Variants in ARFIP1 observed in about 807,000 individuals in gnomAD.
ARFIP1 encodes the protein ARF interacting protein 1.
ARFIP1 carries 24 observed loss-of-function variants against 42.5 expected under a neutral mutation model. The observed-to-expected ratio is 0.57, with a 90% confidence interval of 0.41 to 0.80. The LOEUF (loss-of-function observed/expected upper bound fraction) is 0.80. ARFIP1 is among the 30% of genes least tolerant of loss of function. ARFIP1 has a pLI of 0.00. For missense variants in ARFIP1, 354 were observed against 434.0 expected (o/e 0.82, Z 1.64); for synonymous variants, 141 against 153.7 (o/e 0.92, Z 0.61).
intron 7 of ARFIP1, among the ~76,000 whole-genome samples, chr4:152,886,655 C>T (rs770124497): frequency 1.3e-5 from 2 of 151,874 alleles, no homozygotes; most frequent in Non-Finnish European, 2.9e-5. Context: ...TTATACCTTA[C>T]CCTCATTTAT....
chr4:152,870,627 A>G, intron 3 of ARFIP1, 126 bp from the exon 4 acceptor site: 1 of 660,090 alleles, frequency 1.5e-6, no homozygotes, highest in Non-Finnish European at 2.6e-6. Flanking sequence ...AAACAAATAT[A>G]TTAATTCCAA....
chr4:152,811,373 T>G (rs758753866), intron 1 of ARFIP1, among the ~76,000 whole-genome samples: 7 of 152,188 alleles, frequency 4.6e-5, no homozygotes, highest in Non-Finnish European at 8.8e-5. Flanking sequence ...CTTAGTCTTC[T>G]CATTATAGTG....
intron 7 of ARFIP1, among the ~76,000 whole-genome samples, chr4:152,884,557 C>G (rs1373678747): frequency 6.6e-6 from 1 of 151,902 alleles, no homozygotes; most frequent in African/African-American, 2.4e-5. Context: ...ATACCCCCAC[C>G]ACCTCCTAGT....
intron 2 of ARFIP1, among the ~76,000 whole-genome samples, chr4:152,850,201 C>G (rs927652727): frequency 2.0e-5 from 3 of 152,192 alleles, no homozygotes; most frequent in African/African-American, 7.2e-5. Flanking sequence ...AATATAGCAA[C>G]TTACTACCTA....
At chr4:152,903,396 A>T (rs963016674) in intron 8 of ARFIP1, among the ~76,000 whole-genome samples, 1 of 152,216 alleles carries the variant, frequency 6.6e-6, no homozygotes, top group Admixed American at 6.5e-5. Flanking sequence ...GTTTTGTTAT[A>T]AGCCAAATTG....
chr4:152,861,369 A>G (rs1262803370), intron 2 of ARFIP1, among the ~76,000 whole-genome samples: 1 of 152,244 alleles, frequency 6.6e-6, no homozygotes, highest in African/African-American at 2.4e-5. Flanking sequence ...TCTCAGAAGT[A>G]TAGAGATGAT....
chr4:152,839,409 C>T (rs1484081773), intron 2 of ARFIP1, among the ~76,000 whole-genome samples: 1 of 152,078 alleles, frequency 6.6e-6, no homozygotes, highest in Non-Finnish European at 1.5e-5. Context: ...CTCTCTGGTC[C>T]TGGACTTTTT....
intron 8 of ARFIP1, among the ~76,000 whole-genome samples, chr4:152,902,143 T>G (rs1304443036): frequency 6.6e-6 from 1 of 152,250 alleles, no homozygotes; most frequent in East Asian, 1.9e-4. Flanking sequence ...CTGTCTAAAC[T>G]TAGGCAAATT....
At chr4:152,894,347 C>A (rs1298410594) in intron 8 of ARFIP1, among the ~76,000 whole-genome samples, 2 of 151,972 alleles carry the variant, frequency 1.3e-5, no homozygotes, top group Admixed American at 6.6e-5. Context: ...AAAATATAAA[C>A]CTCAGAATTT....
At chr4:152,857,143 A>T (rs1405655170) in intron 2 of ARFIP1, among the ~76,000 whole-genome samples, 1 of 152,234 alleles carries the variant, frequency 6.6e-6, no homozygotes, top group Non-Finnish European at 1.5e-5. Flanking sequence ...TTAAAACAAT[A>T]TGTAGTTGAA....
Position 152,839,678 on chromosome 4 carries a change from T to G in ARFIP1, c.93+9952T>G, listed in dbSNP as rs367835269. 1.7e-4 allele frequency among the ~76,000 whole-genome samples: 26 copies of G among 152,330 alleles called. 1 individual carries two copies. In the East Asian group the frequency reaches 2.9e-3, roughly 17 times the overall value. On this transcript the variant is annotated intron_variant, in intron 2 of 8. Transcript: ENST00000353617. Reference sequence around the variant, plus strand: ...ATTTGAATTTTCTCTCTTCTTTTCTTGGTTAATCTTGCTAATGGTCTATCA... The same window carrying G: ...ATTTGAATTTTCTCTCTTCTTTTCTGGGTTAATCTTGCTAATGGTCTATCA...
At chr4:152,898,106 C>T (rs1737506116) in intron 8 of ARFIP1, among the ~76,000 whole-genome samples, 1 of 151,678 alleles carries the variant, frequency 6.6e-6, no homozygotes, top group Non-Finnish European at 1.5e-5. Flanking sequence ...CCTCAGCCTC[C>T]TGAGTGGCTG....
At chr4:152,890,557 T>G (rs1736758963) in intron 8 of ARFIP1, among the ~76,000 whole-genome samples, 1 of 152,178 alleles carries the variant, frequency 6.6e-6, no homozygotes, top group South Asian at 2.1e-4. Context: ...AACTAGGGTC[T>G]TTGCAATAGC....
chr4:152,819,690 G>A (rs1009843033), intron 1 of ARFIP1, among the ~76,000 whole-genome samples: 7 of 152,186 alleles, frequency 4.6e-5, no homozygotes, highest in African/African-American at 1.7e-4. Context: ...TTGAATCCAT[G>A]AATTTTCTAC....
intron 7 of ARFIP1, among the ~76,000 whole-genome samples, chr4:152,887,368 A>G (rs994379606): frequency 6.6e-6 from 1 of 152,022 alleles, no homozygotes; most frequent in Non-Finnish European, 1.5e-5. Flanking sequence ...TACATTCTGA[A>G]TACTGATGTT....
At chr4:152,850,806 A>G (rs1184851802) in intron 2 of ARFIP1, 1 of 152,224 alleles carries the variant, frequency 6.6e-6, no homozygotes, top group Non-Finnish European at 1.5e-5. Flanking sequence ...TAGAATATTG[A>G]TAAGTAGAAT....
rs571538749 is a variant in ARFIP1, at chr4:152,900,277, A to G, written c.967-9787A>G. ...AGAAAATCTCCGCACTCAGAATGTT[A>G]ATGTATGTAATTATTCGATAAAGAA... On this transcript the variant is annotated intron_variant, in intron 8 of 8. Coordinates refer to ENST00000353617, the MANE Select transcript of ARFIP1 (RefSeq NM_001025595.3). Among the ~76,000 whole-genome samples the G allele has an allele frequency of 3.9e-5, 6 of 152,254 alleles. No homozygotes were observed. In the East Asian group the frequency reaches 9.6e-4, roughly 24 times the overall value.
At chr4:152,827,984 C>G (rs1261748889) in intron 1 of ARFIP1, among the ~76,000 whole-genome samples, 1 of 152,144 alleles carries the variant, frequency 6.6e-6, no homozygotes, top group East Asian at 1.9e-4. Context: ...TAGGTTCTTT[C>G]ATTTAGTAAT....
rs766785672 is a variant in ARFIP1 at position 152,910,132 on chromosome 4, G to C, written c.1035G>C (p.Gln345His). Residue 345 changes from glutamine (Q) to histidine (H), a missense_variant, in exon 9 of 9, where the codon CAG becomes CAC. Gln to His is a conservative substitution (Grantham distance 24). Transcript: ENST00000353617. ...NAIAAYFAGN[Q>H]KQLEQTLKQF... ...TTGCCGCTTACTTTGCTGGGAATCA[G>C]AAGCAGCTTGAACAGACACTTAAAC... is the stretch of plus-strand genomic sequence containing the variant. 4.3e-6 allele frequency: 7 copies of C among 1,614,174 alleles called. No homozygotes were observed. The highest frequency in any genetic ancestry group is 5.1e-6 in the Non-Finnish European group (6 of 1,180,016).
Sources: gnomAD v4.1 joint callset for allele counts (sites outside exome capture counted in the v4.1 genomes callset) on GRCh38, gnomAD v4.1.1 for gene constraint, MANE v1.5 for transcripts, NCBI Gene and HGNC (gene_info 2026-07-23, HGNC 2026-07-21) for gene names.